Variants in WHRN observed in about 807,000 individuals in gnomAD.
The protein encoded by WHRN is whirlin.
Under a neutral mutation model 68.3 loss-of-function variants are expected in WHRN, and 41 were observed. That is an observed-to-expected ratio of 0.60 (90% CI 0.47 to 0.78). The LOEUF is 0.78. Ranked by LOEUF, WHRN falls within the 30% of genes least tolerant of loss-of-function variation. WHRN has a pLI of 0.00. For synonymous variants in WHRN, 560 were observed against 561.3 expected (o/e 1.00, Z 0.03); for missense variants, 1,243 against 1,244.7 (o/e 1.00, Z 0.02).
chr9:114,426,267 G>A lies in WHRN; in HGVS notation c.1110C>T (p.Asp370=), dbSNP rs768344109. ...GGGAACTGGCGATCCACTTGGTCTC[G>A]TCCACAGTGGTGCGGGCATGGGGCA... ...GRLPHARTTV[D]ETKWIASSRI... is the part of the protein sequence containing the mutation. Residue 370 remains aspartate (D), a synonymous_variant, in exon 4 of 12, where the codon GAC becomes GAT. Transcript: ENST00000362057. The A allele has an allele frequency of 5.0e-6, 8 of 1,612,984 alleles. No homozygotes were observed. The highest frequency in any genetic ancestry group is 2.2e-5 in the South Asian group (2 of 91,022).
intron 4 of WHRN, chr9:114,425,309 C>T: frequency 3.2e-6 from 2 of 620,300 alleles, no homozygotes; most frequent in East Asian, 2.7e-5. Context: ...GCAGGTAACA[C>T]AAGGAGTGGA....
intron 3 of WHRN, among the ~76,000 whole-genome samples, chr9:114,461,552 T>C (rs1840247889): frequency 1.3e-5 from 2 of 152,228 alleles, no homozygotes; most frequent in East Asian, 1.9e-4. Context: ...CTCAGCAGCA[T>C]TGCTAAGGCA....
Position 114,404,038 on chromosome 9 carries a change from G to T in WHRN, c.2276C>A (p.Thr759Asn). 6.2e-7 allele frequency: 1 copy of T among 1,613,450 alleles called. No homozygotes were observed. The change falls in exon 10 of 12, where the codon ACT becomes AAT. Residue 759 changes from threonine to asparagine, a missense_variant. Coordinates refer to ENST00000362057, the MANE Select transcript of WHRN (RefSeq NM_015404.4). ...ATCCACACCACTGTCCTCGCTTAGA[G>T]TCTGCCCGCTGTCCGAGAGCTGGGA... is the stretch of plus-strand genomic sequence containing the variant. ...TLSQLSDSGQ[T>N]LSEDSGVDAG...
At chr9:114,425,835 T>C in intron 4 of WHRN, 1 of 336,674 alleles carries the variant, frequency 3.0e-6, no homozygotes, top group Non-Finnish European at 5.7e-6. Context: ...TGGTGGCCTC[T>C]GGCCAAATAC....
intron 2 of WHRN, among the ~76,000 whole-genome samples, chr9:114,467,360 G>A (rs1564190491): frequency 1.3e-5 from 2 of 152,094 alleles, no homozygotes; most frequent in Non-Finnish European, 1.5e-5. Flanking sequence ...ACAGTCAACA[G>A]GCCTTCACGG....
At chr9:114,453,969 A>G (rs1421527774) in intron 3 of WHRN, among the ~76,000 whole-genome samples, 1 of 152,248 alleles carries the variant, frequency 6.6e-6, no homozygotes. Context: ...ATTTATCACA[A>G]CCAAGAGTGT....
chr9:114,473,383 G>C (rs1841403028), intron 2 of WHRN, among the ~76,000 whole-genome samples: 1 of 152,166 alleles, frequency 6.6e-6, no homozygotes, highest in African/African-American at 2.4e-5. Context: ...GCGAGGGCCG[G>C]ACCCAAAGAG....
intron 1 of WHRN, among the ~76,000 whole-genome samples, chr9:114,484,623 G>A (rs148362845): frequency 6.6e-6 from 1 of 152,262 alleles, no homozygotes; most frequent in East Asian, 1.9e-4. Context: ...GTGTTTACTG[G>A]TGAAACTTGA....
chr9:114,483,666 T>G (rs1470936739), intron 1 of WHRN, among the ~76,000 whole-genome samples: 2 of 152,214 alleles, frequency 1.3e-5, no homozygotes, highest in Non-Finnish European at 2.9e-5. Context: ...CTTGAGCCTG[T>G]GAGACAGAGA....
intron 3 of WHRN, among the ~76,000 whole-genome samples, chr9:114,457,901 G>A (rs1839940070): frequency 7.9e-6 from 1 of 125,858 alleles, no homozygotes; most frequent in South Asian, 3.0e-4. Context: ...GGGCAACAGA[G>A]CCAGACTCTG....
chr9:114,425,249 A>T, intron 4 of WHRN: 1 of 673,286 alleles, frequency 1.5e-6, no homozygotes, highest in East Asian at 2.7e-5. Flanking sequence ...CGGCACCTCC[A>T]AAACCACCCG....
rs375820423 is a variant in WHRN, at chr9:114,403,924, T to C, written c.2390A>G (p.Glu797Gly). ...TTTGTTGGCCCCATCTGTGGGCCTC[T>C]CGTTCCGAGGCAGCTCCTTGCTACT... ...SRSSKELPRN[E>G]RPTDGANKPP... Residue 797 changes from glutamate (E) to glycine (G), a missense_variant, in exon 10 of 12, where the codon GAG becomes GGG. Glu to Gly is a moderately conservative substitution (Grantham distance 98, BLOSUM62 -2). Coordinates refer to ENST00000362057, the MANE Select transcript of WHRN (RefSeq NM_015404.4). 254 of 1,611,094 alleles carry C rather than the reference T, an allele frequency of 1.6e-4. No individual in the cohort carries two copies. Among genetic ancestry groups the C allele is most frequent in the Non-Finnish European group, 2.0e-4 (234 of 1,180,016 alleles).
At chr9:114,500,010 A>T (rs1843788625) in intron 1 of WHRN, among the ~76,000 whole-genome samples, 1 of 152,190 alleles carries the variant, frequency 6.6e-6, no homozygotes, top group African/African-American at 2.4e-5. Context: ...CATCCTACAA[A>T]ATGCTTCTTT....
intron 1 of WHRN, among the ~76,000 whole-genome samples, chr9:114,496,534 C>G (rs1334076686): frequency 6.6e-6 from 1 of 152,056 alleles, no homozygotes; most frequent in Non-Finnish European, 1.5e-5. Context: ...ATCCAACCAA[C>G]CAACCAAACA....
chr9:114,422,050 C>A (rs1836336762), intron 7 of WHRN, among the ~76,000 whole-genome samples: 1 of 152,164 alleles, frequency 6.6e-6, no homozygotes, highest in African/African-American at 2.4e-5. Context: ...TGCTCCTGGG[C>A]CATTTTCTGG....
At chr9:114,487,271 C>A (rs1589249435) in intron 1 of WHRN, among the ~76,000 whole-genome samples, 1 of 151,268 alleles carries the variant, frequency 6.6e-6, no homozygotes, top group South Asian at 2.1e-4. Flanking sequence ...AAGTCTCAAC[C>A]CACCACCCAT....
chr9:114,498,687 C>G (rs906796716), intron 1 of WHRN, among the ~76,000 whole-genome samples: 1 of 152,194 alleles, frequency 6.6e-6, no homozygotes, highest in Non-Finnish European at 1.5e-5. Context: ...AATGTGACAT[C>G]TGCCACACTT....
intron 3 of WHRN, among the ~76,000 whole-genome samples, chr9:114,462,544 G>A (rs1171139478): frequency 2.6e-5 from 4 of 152,160 alleles, no homozygotes; most frequent in South Asian, 2.1e-4. Flanking sequence ...GTCAGGCCTC[G>A]GTTTAAATAA....
chr9:114,466,757 G>A (rs1033393994), intron 2 of WHRN, among the ~76,000 whole-genome samples: 5 of 152,108 alleles, frequency 3.3e-5, no homozygotes, highest in Non-Finnish European at 5.9e-5. Flanking sequence ...GGCTTCAGTC[G>A]GGGGGTGACT....
Sources: allele counts gnomAD v4.1 joint callset (sites outside exome capture counted in the v4.1 genomes callset), GRCh38; gene constraint gnomAD v4.1.1; transcripts MANE v1.5; gene names NCBI Gene and HGNC (gene_info 2026-07-23, HGNC 2026-07-21).